Variants in DTHD1 observed in about 807,000 individuals in gnomAD.
DTHD1 encodes the protein death domain-containing protein 1.
A neutral mutation model predicts 74.8 loss-of-function variants in DTHD1; 59 were observed. The observed-to-expected ratio is 0.79, with a 90% CI of 0.64 to 0.98. DTHD1 has a LOEUF of 0.98. DTHD1 is among the 50% of genes least tolerant of loss of function. The probability of loss-of-function intolerance (pLI) is 0.00; values close to 1 mark genes in which losing one functional copy is unlikely to be tolerated. For missense variants in DTHD1, 1,051 were observed against 1,065.4 expected, an observed-to-expected ratio of 0.99 and a Z score of 0.19; for synonymous variants, 365 against 371.1, an observed-to-expected ratio of 0.98 and a Z score of 0.19.
intron 7 of DTHD1, among the ~76,000 whole-genome samples, chr4:36,313,454 T>C (rs1183515493): frequency 6.7e-6 from 1 of 150,348 alleles, no homozygotes; most frequent in East Asian, 1.9e-4. Flanking sequence ...AGTTTCTTCA[T>C]GCCACTTCTC....
At chr4:36,294,652 T>C in intron 4 of DTHD1, 143 bp from the exon 5 acceptor site, 1 of 658,858 alleles carries the variant, frequency 1.5e-6, no homozygotes, top group Non-Finnish European at 2.2e-6. Flanking sequence ...TTTTATAAAA[T>C]GCATTGTTGA....
At chr4:36,333,331 G>A (rs952482831) in intron 8 of DTHD1, among the ~76,000 whole-genome samples, 3 of 151,966 alleles carry the variant, frequency 2.0e-5, no homozygotes, top group African/African-American at 4.8e-5. Flanking sequence ...CTCCTTAGAT[G>A]CATGATTATG....
intron 8 of DTHD1, among the ~76,000 whole-genome samples, chr4:36,329,151 G>A (rs10517373): frequency 0.044 from 6,741 of 152,140 alleles, 235 homozygotes; most frequent in East Asian, 0.21. Flanking sequence ...ATGTCATACC[G>A]CCTGTCATTT....
rs1755579529 is a variant in DTHD1 at position 36,284,385 on chromosome 4, G to C, written c.681G>C (p.Met227Ile). ...AAGATGATAAACAAATAGAACACAT[G>C]ACTGTTGAGAACATAAATGGCAACA... ...ENEDDKQIEH[M>I]TVENINGNRE... Residue 227 changes from methionine (M) to isoleucine (I), a missense_variant, in exon 2 of 10, where the codon ATG becomes ATC. Transcript: ENST00000639862. 2 of 1,536,972 alleles carry C rather than the reference G, an allele frequency of 1.3e-6. No individual in the cohort carries two copies. Among genetic ancestry groups the C allele is most frequent in the Non-Finnish European group, 1.7e-6 (2 of 1,146,850 alleles).
chr4:36,313,169 G>A (rs1043926350), intron 7 of DTHD1, among the ~76,000 whole-genome samples: 4 of 152,054 alleles, frequency 2.6e-5, no homozygotes, highest in African/African-American at 9.7e-5. Flanking sequence ...CCATTATTGA[G>A]AAGAAAATAT....
intron 8 of DTHD1, among the ~76,000 whole-genome samples, chr4:36,323,083 T>G (rs1391136358): frequency 2.0e-5 from 3 of 152,208 alleles, no homozygotes; most frequent in African/African-American, 7.2e-5. Context: ...TGTCACCTAT[T>G]CGAGGCTGGA....
chr4:36,293,800 T>A, intron 4 of DTHD1, 95 bp downstream of exon 4: 1 of 1,067,256 alleles, frequency 9.4e-7, no homozygotes, highest in Non-Finnish European at 1.3e-6. Context: ...ATATTTAATA[T>A]AACAAAAAAT....
chr4:36,291,794 C>T (rs1319521447), intron 3 of DTHD1, among the ~76,000 whole-genome samples: 1 of 152,218 alleles, frequency 6.6e-6, no homozygotes, highest in Admixed American at 6.5e-5. Context: ...CACCCCTGCA[C>T]TCCAGCCTGG....
At position 36,347,378 on chromosome 4, in the gene DTHD1, T is replaced by C. The variant is rs113373659; in HGVS notation, c.*3554T>C. Among the ~76,000 whole-genome samples the C allele has an allele frequency of 6.3e-3, 960 of 152,262 alleles. 9 individuals carry two copies. The highest frequency in any genetic ancestry group is 0.021 in the African/African-American group (892 of 41,558). Reference sequence around the variant, plus strand: ...CATTAATGTATAATATTCTATTATATGCATATATTAAAATTTTCATATCAA... The same window carrying C: ...CATTAATGTATAATATTCTATTATACGCATATATTAAAATTTTCATATCAA... On this transcript the variant is annotated 3_prime_UTR_variant, in exon 10 of 10. Transcript: ENST00000639862.
chr4:36,326,750 T>C (rs1758370092), intron 8 of DTHD1, among the ~76,000 whole-genome samples: 1 of 152,228 alleles, frequency 6.6e-6, no homozygotes, highest in African/African-American at 2.4e-5. Flanking sequence ...ACCTGTTTTC[T>C]TCCCATCTAG....
At position 36,345,090 on chromosome 4, in the gene DTHD1, A is replaced by G. The variant is rs1320508880; in HGVS notation, c.*1266A>G. ...GCAGAGAAAATAAGTTATCAGTGAA[A>G]GAATTCAAGGCCTATTTCTTCTACT... On this transcript the variant is annotated 3_prime_UTR_variant, in exon 10 of 10. Coordinates refer to ENST00000639862, the MANE Select transcript of DTHD1 (RefSeq NM_001170700.3). 6.6e-6 allele frequency: 1 copy of G among 152,202 alleles called. No homozygotes were observed. Among genetic ancestry groups the G allele is most frequent in the East Asian group, 1.9e-4 (1 of 5,198 alleles). 9.4% of individuals were successfully genotyped at this position (152,202 alleles called of 1,614,324 possible).
Position 36,284,385 on chromosome 4 carries a change from G to A in DTHD1, c.681G>A (p.Met227Ile). 2 of 1,537,090 alleles carry A rather than the reference G, an allele frequency of 1.3e-6. No individual in the cohort carries two copies. Among genetic ancestry groups the A allele is most frequent in the Non-Finnish European group, 8.7e-7 (1 of 1,146,842 alleles). Residue 227 changes from methionine (M) to isoleucine (I), a missense_variant, in exon 2 of 10, where the codon ATG (methionine) becomes ATA (isoleucine). Physicochemically the swap from Met to Ile is conservative, Grantham distance 10. Coordinates refer to ENST00000639862, the MANE Select transcript of DTHD1 (RefSeq NM_001170700.3). ...ENEDDKQIEH[M>I]TVENINGNRE... ...AAGATGATAAACAAATAGAACACAT[G>A]ACTGTTGAGAACATAAATGGCAACA...
intron 5 of DTHD1, among the ~76,000 whole-genome samples, chr4:36,304,076 A>G (rs910288070): frequency 2.6e-5 from 4 of 152,210 alleles, no homozygotes; most frequent in African/African-American, 9.7e-5. Flanking sequence ...TTAATGAATG[A>G]CCAATGCATT....
At chr4:36,322,761 C>G (rs988094647) in intron 8 of DTHD1, among the ~76,000 whole-genome samples, 2 of 152,148 alleles carry the variant, frequency 1.3e-5, no homozygotes, top group Non-Finnish European at 2.9e-5. Flanking sequence ...AATGATTCAC[C>G]ACTAAATCTT....
chr4:36,283,952 G>T (rs1168946795), intron 1 of DTHD1, 24 bp from the exon 2 acceptor site: 2 of 1,436,626 alleles, frequency 1.4e-6, no homozygotes, highest in Admixed American at 2.2e-5. Flanking sequence ...TTTATTCTTT[G>T]TGTGTCCATG....
intron 8 of DTHD1, among the ~76,000 whole-genome samples, chr4:36,328,487 T>C (rs900977688): frequency 6.6e-6 from 1 of 151,618 alleles, no homozygotes; most frequent in East Asian, 1.9e-4. Context: ...TGTGTCCACG[T>C]GTGCATGCCT....
At chr4:36,323,557 CTT>C (rs1272838308) in intron 8 of DTHD1, among the ~76,000 whole-genome samples, 2 of 94,664 alleles carry the variant, frequency 2.1e-5, no homozygotes, top group African/African-American at 5.6e-5. Context: ...TCAAATGGAA[CTT>C]ATTATGTTAT....
rs552812716 is a variant in DTHD1 at position 36,305,337 on chromosome 4, G to A, written c.1644-854G>A. Among the ~76,000 whole-genome samples, 8 of 152,234 alleles carry A rather than the reference G, an allele frequency of 5.3e-5. No individual in the cohort carries two copies. In the South Asian group the frequency reaches 1.5e-3, roughly 28 times the overall value. On this transcript the variant is annotated intron_variant, in intron 5 of 9. Transcript: ENST00000639862. ...AGTTCCATGTGGCTGGGGAGGCCTT[G>A]CAATCATGGTGGAAGGTGAAAGGCA...
chr4:36,318,807 G>T (rs1000331016), intron 8 of DTHD1, among the ~76,000 whole-genome samples: 10 of 151,900 alleles, frequency 6.6e-5, no homozygotes, highest in African/African-American at 2.4e-5. Context: ...GTAGAGACGG[G>T]GTTTCACCGT....
Sources: allele counts gnomAD v4.1 joint callset (sites outside exome capture counted in the v4.1 genomes callset), GRCh38; gene constraint gnomAD v4.1.1; transcripts MANE v1.5; gene names NCBI Gene and HGNC (gene_info 2026-07-23, HGNC 2026-07-21).